COL6A3: variants seen among roughly 807,000 people sequenced by gnomAD.
COL6A3 encodes the protein collagen alpha-3(VI) chain.
A neutral mutation model predicts 274.1 loss-of-function variants in COL6A3; 137 were observed. The observed-to-expected ratio is 0.50, with a 90% CI of 0.44 to 0.58. The LOEUF (loss-of-function observed/expected upper bound fraction) is 0.58, where lower values mean the gene tolerates loss of function less well. Ranked by LOEUF, COL6A3 falls within the 20% of genes least tolerant of loss-of-function variation. COL6A3 has a pLI of 0.00. For missense variants in COL6A3, 3,950 were observed against 4,124.9 expected (o/e 0.96, Z 1.16); for synonymous variants, 1,650 against 1,650.6 (o/e 1.00, Z 0.01).
At position 237,361,031 on chromosome 2, in the gene COL6A3, TG is replaced by T; in HGVS notation, c.6210+89del. On this transcript the variant is annotated intron_variant, in intron 16 of 43. Transcript: ENST00000295550. This position sits in a 1 kb window ranked among gnomAD's most constrained non-coding sequence, Gnocchi z 5.1. ...TCCCAAAGGGAAAGCCATCAGCAACTGAACAAATGATGAAATCCACAATGCA... is the reference window on the plus strand; with the variant it reads ...TCCCAAAGGGAAAGCCATCAGCAACTAACAAATGATGAAATCCACAATGCA... 2 of 1,113,950 alleles carry T rather than the reference TG, an allele frequency of 1.8e-6. No homozygotes were observed. Among genetic ancestry groups the T allele is most frequent in the South Asian group, 2.5e-5 (2 of 80,628 alleles). 69.0% of individuals were successfully genotyped at this position (1,113,950 alleles called of 1,614,324 possible).
At chr2:237,399,093 A>G (rs2078525043) in intron 1 of COL6A3, among the ~76,000 whole-genome samples, 1 of 152,200 alleles carries the variant, frequency 6.6e-6, no homozygotes, top group East Asian at 1.9e-4. Context: ...AGCACCTGCC[A>G]CACTGAGGGT....
intron 1 of COL6A3, among the ~76,000 whole-genome samples, chr2:237,402,571 A>C (rs886956772): frequency 2.0e-5 from 3 of 152,182 alleles, no homozygotes; most frequent in Non-Finnish European, 4.4e-5. Context: ...AACATCCTAA[A>C]GTGTGTCTAC....
Position 237,340,747 on chromosome 2 carries a change from T to C in COL6A3, c.8169A>G (p.Ile2723Met), listed in dbSNP as rs1182606693. Residue 2723 changes from isoleucine (I) to methionine (M), a missense_variant, in exon 38 of 44, where the codon ATA (isoleucine) becomes ATG (methionine). Ile to Met is a conservative substitution (Grantham distance 10, BLOSUM62 1). This residue lies in a region of COL6A3 where 1,284 missense variants were observed against 1,349.7 expected (regional missense o/e 0.95). Coordinates refer to ENST00000295550, the MANE Select transcript of COL6A3 (RefSeq NM_004369.4). ...RALGSAIEYTIENVFESAPNP... is the reference protein window; with the variant it reads ...RALGSAIEYTMENVFESAPNP... ...TTGGGGCACTTTCAAAGACATTCTC[T>C]ATGGTGTATTCAATGGCACTGCCTA... is the stretch of plus-strand genomic sequence containing the variant. The C allele has an allele frequency of 6.2e-7, 1 of 1,614,144 alleles. No homozygotes were observed. Among genetic ancestry groups the C allele is most frequent in the Non-Finnish European group, 8.5e-7 (1 of 1,180,022 alleles).
chr2:237,367,315 G>C, intron 10 of COL6A3, 29 bp from the exon 11 acceptor site: 10 of 1,602,148 alleles, frequency 6.2e-6, no homozygotes, highest in Non-Finnish European at 8.5e-6. Flanking sequence ...AAAATAAGGA[G>C]AGATTAGGTT....
intron 5 of COL6A3, 73 bp downstream of exon 5, chr2:237,380,842 T>G: frequency 7.4e-7 from 1 of 1,345,302 alleles, no homozygotes; most frequent in South Asian, 1.2e-5. Flanking sequence ...CAAACACACT[T>G]CATTTTGTTT....
chr2:237,360,077 C>CCA lies in COL6A3; in HGVS notation c.6282+9_6282+10dup. On this transcript the variant is annotated intron_variant, in intron 17 of 43. Coordinates refer to ENST00000295550, the MANE Select transcript of COL6A3 (RefSeq NM_004369.4). Reference sequence around the variant, plus strand: ...CTCCCCACGCTAGCAACCCCATCACCCACGCCTCACCTTTACTCCTCTCTG... The same window carrying CCA: ...CTCCCCACGCTAGCAACCCCATCACCCACACGCCTCACCTTTACTCCTCTCTG... 1 of 1,614,048 alleles carries CCA rather than the reference C, an allele frequency of 6.2e-7. No individual in the cohort carries two copies. Among genetic ancestry groups the CCA allele is most frequent in the Non-Finnish European group, 8.5e-7 (1 of 1,179,970 alleles).
Position 237,376,956 on chromosome 2 carries a change from G to A in COL6A3, c.2886C>T (p.Asn962=). 6.2e-7 allele frequency: 1 copy of A among 1,614,222 alleles called. No individual in the cohort carries two copies. The highest frequency in any genetic ancestry group is 1.3e-5 in the African/African-American group (1 of 75,052). Residue 962 remains asparagine, a synonymous_variant, in exon 7 of 44, where the codon AAC becomes AAT. Coordinates refer to ENST00000295550, the MANE Select transcript of COL6A3 (RefSeq NM_004369.4). The part of the protein sequence containing the change: ...SSDRVDGPAS[N]LKQSGVVPFI... ...AAGGCACAACCCCACTCTGCTTCAG[G>A]TTACTTGCTGGCCCATCCACACGGT...
In COL6A3 at chr2:237,364,444, C is replaced by A. The variant is rs1395155493; in HGVS notation, c.5839-16G>T. The A allele has an allele frequency of 6.2e-7, 1 of 1,602,084 alleles. No homozygotes were observed. The highest frequency in any genetic ancestry group is 1.7e-5 in the Admixed American group (1 of 60,014). On this transcript the variant is annotated splice_polypyrimidine_tract_variant and intron_variant, in intron 12 of 43. Transcript: ENST00000295550. The surrounding 1 kb of genome is among the most constrained non-coding windows in gnomAD (Gnocchi z 4.6). ...GAATGACCACCTGCAGATAAGAGAG[C>A]TGTCAAATCCCAGGAAAACTAAAAA...
rs755099760 is a variant in COL6A3 at position 237,324,825 on chromosome 2, A to C, written c.9494-11T>G. The C allele has an allele frequency of 6.2e-7, 1 of 1,612,636 alleles. No homozygotes were observed. Among genetic ancestry groups the C allele is most frequent in the Non-Finnish European group, 8.5e-7 (1 of 1,179,756 alleles). ...CGGGTTTGGCGAGCACTGAGCGTCG[A>C]GAGAGGGGGTGGGTGGGGTGAGGTG... On this transcript the variant is annotated splice_polypyrimidine_tract_variant and intron_variant, in intron 43 of 43. Coordinates refer to ENST00000295550, the MANE Select transcript of COL6A3 (RefSeq NM_004369.4).
At chr2:237,388,249 G>A in intron 3 of COL6A3, 65 bp from the exon 4 acceptor site, 1 of 1,603,152 alleles carries the variant, frequency 6.2e-7, no homozygotes, top group Non-Finnish European at 8.5e-7. Flanking sequence ...GCATTATTCA[G>A]TGTTCTGACA....
intron 4 of COL6A3, among the ~76,000 whole-genome samples, chr2:237,381,816 G>A (rs2106370772): frequency 6.6e-6 from 1 of 152,256 alleles, no homozygotes; most frequent in East Asian, 1.9e-4. Flanking sequence ...GTTCTCTTCT[G>A]CCGTAAATAC....
In COL6A3 at chr2:237,387,921, C is replaced by T. The variant is rs905662421; in HGVS notation, c.973G>A (p.Ala325Thr). The stretch of plus-strand genomic sequence containing the variant: ...TGGTTCTCCACCACGAAATCAAGGG[C>T]GAGGCCGATATTGGCCAACTCCCCA... ...AGGELANIGLALDFVVENHFT... is the reference protein window; with the variant it reads ...AGGELANIGLTLDFVVENHFT... The change falls in exon 4 of 44, where the codon GCC becomes ACC. Residue 325 changes from alanine to threonine, a missense_variant. This residue lies in a region of COL6A3 where 1,934 missense variants were observed against 1,984.3 expected (regional missense o/e 0.97). Coordinates refer to ENST00000295550, the MANE Select transcript of COL6A3 (RefSeq NM_004369.4). 7.4e-6 allele frequency: 12 copies of T among 1,614,022 alleles called. No homozygotes were observed. The highest frequency in any genetic ancestry group is 1.3e-5 in the African/African-American group (1 of 74,930).
intron 23 of COL6A3, 73 bp downstream of exon 23, chr2:237,357,265 C>A (rs891826048): frequency 7.7e-6 from 10 of 1,297,902 alleles, no homozygotes; most frequent in Middle Eastern, 1.8e-4. Flanking sequence ...TAACCATGCA[C>A]CAGGTCATGT....
rs754847515 is a variant in COL6A3 at position 237,374,583 on chromosome 2, C to T, written c.3508G>A (p.Ala1170Thr). 1.4e-5 allele frequency: 22 copies of T among 1,614,058 alleles called. No homozygotes were observed. The African/African-American group carries it at 1.9e-4, about 14-fold the overall frequency. ...ATGGTCTGCATCTCTGTGATGTCAG[C>T]GTTCCCGATGCCAATGCCAATGGGC... is the stretch of plus-strand genomic sequence containing the variant. ...AVPIGIGIGN[A>T]DITEMQTISF... Residue 1170 changes from alanine to threonine, a missense_variant, in exon 8 of 44, where the codon GCT (alanine) becomes ACT (threonine). By Grantham distance (58) the Ala-to-Thr change is moderately conservative (BLOSUM62 0). Transcript: ENST00000295550. This position sits in a 1 kb window ranked among gnomAD's most constrained non-coding sequence, Gnocchi z 4.8.
At position 237,374,384 on chromosome 2, in the gene COL6A3, G is replaced by C. The variant is rs746028641; in HGVS notation, c.3679+28C>G. 48 of 1,608,014 alleles carry C rather than the reference G, an allele frequency of 3.0e-5. No individual in the cohort carries two copies. In the African/African-American group the frequency reaches 6.1e-4, roughly 21 times the overall value. ...AAGTAGCCCCAGACAATGACACTGAGTGAGGATGCAAAGAGTTCCCTGCGT... is the reference window on the plus strand; with the variant it reads ...AAGTAGCCCCAGACAATGACACTGACTGAGGATGCAAAGAGTTCCCTGCGT... On this transcript the variant is annotated intron_variant, in intron 8 of 43. Coordinates refer to ENST00000295550, the MANE Select transcript of COL6A3 (RefSeq NM_004369.4). The surrounding 1 kb of genome is among the most constrained non-coding windows in gnomAD (Gnocchi z 4.8).
rs398124121 is a variant in COL6A3 at position 237,368,590 on chromosome 2, C to T, written c.4873G>A (p.Val1625Met). 23 of 1,614,072 alleles carry T rather than the reference C, an allele frequency of 1.4e-5. No homozygotes were observed. Among genetic ancestry groups the T allele is most frequent in the Non-Finnish European group, 1.8e-5 (21 of 1,180,002 alleles). ...PSAATPAPPGVDTPPPSRPEK... is the reference protein window; with the variant it reads ...PSAATPAPPGMDTPPPSRPEK... ...GGCCGTGAAGGAGGAGGGGTGTCCACCCCTGGAGGTGCAGGAGTGGCTGCG... is the reference window on the plus strand; with the variant it reads ...GGCCGTGAAGGAGGAGGGGTGTCCATCCCTGGAGGTGCAGGAGTGGCTGCG... Residue 1625 changes from valine (V) to methionine (M), a missense_variant, in exon 10 of 44, where the codon GTG becomes ATG. Coordinates refer to ENST00000295550, the MANE Select transcript of COL6A3 (RefSeq NM_004369.4). This position sits in a 1 kb window ranked among gnomAD's most constrained non-coding sequence, Gnocchi z 4.4.
In COL6A3 at chr2:237,360,664, C is replaced by A. The variant is rs556672009; in HGVS notation, c.6210+457G>T. ...TTGGGCATTGCTCCCATGGACCCTG[C>A]TACTGGGGTCTGTCCATCCCCAAGA... On this transcript the variant is annotated intron_variant, in intron 16 of 43. Transcript: ENST00000295550. Among the ~76,000 whole-genome samples, 430 of 152,242 alleles carry A rather than the reference C, an allele frequency of 2.8e-3. 3 individuals carry two copies. The highest frequency in any genetic ancestry group is 9.8e-3 in the African/African-American group (406 of 41,532).
chr2:237,341,192 C>T (rs1319769093), intron 37 of COL6A3, 42 bp from the exon 38 acceptor site: 5 of 1,541,448 alleles, frequency 3.2e-6, no homozygotes, highest in Non-Finnish European at 4.5e-6. Flanking sequence ...GTGACACCCA[C>T]AGCAGGATAC....
intron 4 of COL6A3, 33 bp downstream of exon 4, chr2:237,387,549 C>A (rs777135269): frequency 6.2e-7 from 1 of 1,613,680 alleles, no homozygotes; most frequent in Non-Finnish European, 8.5e-7. Context: ...CAACACCCCA[C>A]TCCCACACAG....
Sources: gnomAD v4.1 joint callset for allele counts (sites outside exome capture counted in the v4.1 genomes callset) on GRCh38, gnomAD v4.1.1 for gene constraint, gnomAD v4.1.1 regional missense constraint, Gnocchi (gnomAD v3.1) non-coding constraint, MANE v1.5 for transcripts, NCBI Gene and HGNC (gene_info 2026-07-23, HGNC 2026-07-21) for gene names.